Variants in ARHGEF3 observed in about 807,000 individuals in gnomAD.
ARHGEF3 encodes the protein Rho guanine nucleotide exchange factor 3.
In ARHGEF3, 28 loss-of-function variants were observed where a neutral mutation model predicts 63.2. That is an observed-to-expected ratio of 0.44 (90% CI 0.33 to 0.61). The LOEUF (loss-of-function observed/expected upper bound fraction) is 0.61. Among genes scored for constraint, ARHGEF3 ranks in the 20% least tolerant of loss-of-function variants. ARHGEF3 has a pLI of 0.03. For missense variants in ARHGEF3, 533 were observed against 659.3 expected (o/e 0.81, Z 2.10); for synonymous variants, 266 against 254.2 (o/e 1.05, Z -0.44).
chr3:56,779,301 A>T (rs556865232), intron 1 of ARHGEF3, among the ~76,000 whole-genome samples: 6 of 152,306 alleles, frequency 3.9e-5, no homozygotes, highest in Non-Finnish European at 7.3e-5. Flanking sequence ...AATGCCTGGG[A>T]TCTACTTCAA....
chr3:57,010,680 C>A (rs1298220647), intron 2 of ARHGEF3, among the ~76,000 whole-genome samples: 1 of 152,174 alleles, frequency 6.6e-6, no homozygotes, highest in Non-Finnish European at 1.5e-5. Flanking sequence ...CCACTGTTCA[C>A]AGTCAAAGTG....
At chr3:56,766,062 T>C (rs1480115615) in intron 2 of ARHGEF3, among the ~76,000 whole-genome samples, 1 of 152,074 alleles carries the variant, frequency 6.6e-6, no homozygotes, top group African/African-American at 2.4e-5. Flanking sequence ...TGGGTGTATA[T>C]TATCAACTGG....
At chr3:57,013,283 C>A (rs1037284902) in intron 2 of ARHGEF3, among the ~76,000 whole-genome samples, 11 of 152,256 alleles carry the variant, frequency 7.2e-5, no homozygotes, top group African/African-American at 2.4e-4. Context: ...GGCAGCTCAG[C>A]CCCCGGCCCT....
At chr3:56,917,844 C>A (rs1006858736) in intron 3 of ARHGEF3, among the ~76,000 whole-genome samples, 2 of 152,180 alleles carry the variant, frequency 1.3e-5, no homozygotes, top group Non-Finnish European at 2.9e-5. Flanking sequence ...GGGAATCACA[C>A]CTGCTTAGAG....
intron 2 of ARHGEF3, among the ~76,000 whole-genome samples, chr3:56,968,260 TAAATATATAATATATA>T (rs1700733356): frequency 6.8e-5 from 2 of 29,528 alleles, no homozygotes; most frequent in Non-Finnish European, 1.6e-4. Flanking sequence ...ATATAATATT[TAAATATATAATATATA>T]AAATATATAT....
At chr3:56,954,250 G>C (rs563631538) in intron 3 of ARHGEF3, among the ~76,000 whole-genome samples, 1 of 152,294 alleles carries the variant, frequency 6.6e-6, no homozygotes, top group South Asian at 2.1e-4. Flanking sequence ...GGCAATGGCA[G>C]GAGCTGTGTT....
At chr3:56,856,977 T>C (rs571740493) in intron 4 of ARHGEF3, among the ~76,000 whole-genome samples, 34 of 152,244 alleles carry the variant, frequency 2.2e-4, no homozygotes, top group Non-Finnish European at 4.6e-4. Flanking sequence ...AAGCCTGTTA[T>C]ATAAGCATCC....
In ARHGEF3 at chr3:57,064,493, C is replaced by T. The variant is rs538945613; in HGVS notation, c.-28+14733G>A. Among the ~76,000 whole-genome samples the T allele has an allele frequency of 3.9e-5, 6 of 152,122 alleles. No individual in the cohort carries two copies. In the East Asian group the frequency reaches 1.2e-3, roughly 29 times the overall value. Reference sequence around the variant, plus strand: ...GCATGCCACCACGCCCAGCAAATTGCTGTATTTTTTGTAGACAGGGTATCA... The same window carrying T: ...GCATGCCACCACGCCCAGCAAATTGTTGTATTTTTTGTAGACAGGGTATCA... On this transcript the variant is annotated intron_variant, in intron 1 of 12. Transcript: ENST00000338458.
intron 2 of ARHGEF3, among the ~76,000 whole-genome samples, chr3:56,757,556 C>T (rs2035151906): frequency 6.6e-6 from 1 of 152,198 alleles, no homozygotes; most frequent in Admixed American, 6.5e-5. Context: ...GTAAACACCC[C>T]TTCTATGTAG....
intron 2 of ARHGEF3, among the ~76,000 whole-genome samples, chr3:56,998,406 AC>A (rs1161477434): frequency 1.4e-5 from 2 of 138,248 alleles, no homozygotes; most frequent in East Asian, 4.0e-4. Context: ...GGTCATCCTG[AC>A]TTTTTTTTTT....
chr3:56,996,887 A>ATTTTT (rs199994465), intron 2 of ARHGEF3, among the ~76,000 whole-genome samples: 91 of 102,538 alleles, frequency 8.9e-4, no homozygotes, highest in Admixed American at 1.0e-3. Context: ...TATTATTATT[A>ATTTTT]TTATTTTTTT....
At chr3:56,890,790 G>A (rs1029896095) in intron 3 of ARHGEF3, among the ~76,000 whole-genome samples, 23 of 152,260 alleles carry the variant, frequency 1.5e-4, no homozygotes, top group African/African-American at 4.8e-4. Context: ...TTAATCACTG[G>A]GCTTTTCTAT....
rs143272330 is a variant in ARHGEF3 at position 56,993,117 on chromosome 3, G to A, written c.63-34228C>T. Among the ~76,000 whole-genome samples, 748 of 152,284 alleles carry A rather than the reference G, an allele frequency of 4.9e-3. 5 individuals carry two copies. The highest frequency in any genetic ancestry group is 0.017 in the African/African-American group (712 of 41,554). On this transcript the variant is annotated intron_variant, in intron 2 of 12. Transcript: ENST00000338458. ...CCCAAAGTGCTGGAATTACAGGTGT[G>A]AGCTACCGCGCCTGGCCTCAAGGAA...
At chr3:56,933,893 C>T (rs918891050) in intron 3 of ARHGEF3, among the ~76,000 whole-genome samples, 1 of 152,088 alleles carries the variant, frequency 6.6e-6, no homozygotes, top group Non-Finnish European at 1.5e-5. Context: ...GGGCAGTTTC[C>T]CCAATGCTAT....
chr3:56,969,498 C>G (rs1024809717), intron 2 of ARHGEF3, among the ~76,000 whole-genome samples: 2 of 151,936 alleles, frequency 1.3e-5, no homozygotes, highest in Admixed American at 1.3e-4. Context: ...AAGGGCCGGG[C>G]GCGGTGGCTC....
intron 1 of ARHGEF3, chr3:57,073,516 G>A (rs1706048728): frequency 2.1e-6 from 2 of 964,336 alleles, no homozygotes; most frequent in South Asian, 1.9e-5. Context: ...CTGGGTGACT[G>A]TGGGGTTTGG....
intron 3 of ARHGEF3, among the ~76,000 whole-genome samples, chr3:56,919,747 C>T (rs929531321): frequency 6.6e-6 from 1 of 152,196 alleles, no homozygotes. Context: ...TATTTTCCCA[C>T]GTGATCCTCA....
intron 4 of ARHGEF3, among the ~76,000 whole-genome samples, chr3:56,850,903 A>G (rs1353687350): frequency 6.6e-6 from 1 of 152,220 alleles, no homozygotes; most frequent in African/African-American, 2.4e-5. Flanking sequence ...CACTATTATT[A>G]TCTCCAATAT....
At chr3:56,750,008 T>C (rs2034631920) in intron 6 of ARHGEF3, among the ~76,000 whole-genome samples, 1 of 151,878 alleles carries the variant, frequency 6.6e-6, no homozygotes, top group South Asian at 2.1e-4. Flanking sequence ...ATAGCAACAG[T>C]AGGATTTATA....
Sources: allele counts gnomAD v4.1 joint callset (sites outside exome capture counted in the v4.1 genomes callset), GRCh38; gene constraint gnomAD v4.1.1; transcripts MANE v1.5; gene names NCBI Gene and HGNC (gene_info 2026-07-23, HGNC 2026-07-21).